Variants in ZDHHC15 observed in about 807,000 individuals in gnomAD.
ZDHHC15 encodes palmitoyltransferase ZDHHC15.
ZDHHC15 carries 19 observed loss-of-function variants against 31.7 expected under a neutral mutation model. The observed-to-expected ratio is 0.60, with a 90% CI of 0.42 to 0.88. The LOEUF (loss-of-function observed/expected upper bound fraction) is 0.88. Ranked by LOEUF, ZDHHC15 falls within the 40% of genes least tolerant of loss-of-function variation. The pLI is 0.00. For missense variants in ZDHHC15, 209 were observed against 251.2 expected (o/e 0.83, Z 1.14); for synonymous variants, 103 against 90.0 (o/e 1.14, Z -0.82).
chrX:75,404,362 C>A (rs760828676), intron 10 of ZDHHC15, among the ~76,000 whole-genome samples: 2 of 111,843 alleles, frequency 1.8e-5, no homozygotes, highest in Non-Finnish European at 3.8e-5. Flanking sequence ...ACAACAATAG[C>A]AAAAATTGAC....
intron 2 of ZDHHC15, among the ~76,000 whole-genome samples, chrX:75,487,211 A>G (rs984432788): frequency 1.8e-5 from 2 of 112,049 alleles, no homozygotes; most frequent in African/African-American, 3.2e-5. Flanking sequence ...CTGCTAGCAT[A>G]ACCAGTATTT....
chrX:75,446,189 TA>T (rs1381595580), intron 4 of ZDHHC15, among the ~76,000 whole-genome samples: 1 of 112,094 alleles, frequency 8.9e-6, no homozygotes, highest in African/African-American at 3.2e-5. Flanking sequence ...AATTTATTGA[TA>T]GGGGCCTACT....
intron 9 of ZDHHC15, among the ~76,000 whole-genome samples, chrX:75,419,797 T>C (rs1258258705): frequency 9.3e-6 from 1 of 108,072 alleles, no homozygotes; most frequent in African/African-American, 3.4e-5. Context: ...ATGTCCTTTG[T>C]AGGGACATGG....
intron 10 of ZDHHC15, among the ~76,000 whole-genome samples, chrX:75,415,381 C>A (rs760212733): frequency 1.0e-3 from 116 of 111,415 alleles, no homozygotes; most frequent in African/African-American, 3.4e-3. Flanking sequence ...TTAAAAAAAA[C>A]CCCTCAGCTA....
intron 2 of ZDHHC15, among the ~76,000 whole-genome samples, chrX:75,491,429 G>C (rs2148010954): frequency 1.0e-5 from 1 of 95,378 alleles, no homozygotes; most frequent in African/African-American, 3.9e-5. Context: ...TGAACAATGA[G>C]AACACATGGA....
chrX:75,440,006 C>T (rs1265368867), intron 4 of ZDHHC15, among the ~76,000 whole-genome samples: 1 of 111,639 alleles, frequency 9.0e-6, no homozygotes, highest in African/African-American at 3.3e-5. Flanking sequence ...TGCAAAGAGT[C>T]CTGTGATTTG....
At chrX:75,513,599 T>C (rs2085310627) in intron 1 of ZDHHC15, among the ~76,000 whole-genome samples, 1 of 111,526 alleles carries the variant, frequency 9.0e-6, no homozygotes, top group Non-Finnish European at 1.9e-5. Flanking sequence ...TAATAGAGCC[T>C]ACACTCTAAT....
chrX:75,450,769 G>A lies in ZDHHC15; in HGVS notation c.379+33C>T, dbSNP rs757887022. On this transcript the variant is annotated intron_variant, in intron 4 of 11. Coordinates refer to ENST00000373367, the MANE Select transcript of ZDHHC15 (RefSeq NM_144969.3). ...TTAGCCTTTCTGAGATACTTGCTGA[G>A]CTGCCTCTCTAGCTGCCTTTGGATG... 5.8e-6 allele frequency: 7 copies of A among 1,208,269 alleles called. No individual in the cohort carries two copies. In the Admixed American group the frequency reaches 1.3e-4, roughly 23 times the overall value.
At chrX:75,443,340 C>A (rs1267130959) in intron 4 of ZDHHC15, among the ~76,000 whole-genome samples, 1 of 111,082 alleles carries the variant, frequency 9.0e-6, no homozygotes, top group African/African-American at 3.3e-5. Flanking sequence ...TGATCTTTGA[C>A]AAACCTGAAA....
At chrX:75,499,868 A>G (rs1217612259) in intron 2 of ZDHHC15, among the ~76,000 whole-genome samples, 1 of 111,979 alleles carries the variant, frequency 8.9e-6, no homozygotes, top group East Asian at 2.8e-4. Context: ...TCACAATTGC[A>G]AAAATATGAA....
chrX:75,377,380 C>T (rs2083071145), intron 11 of ZDHHC15, among the ~76,000 whole-genome samples: 1 of 109,726 alleles, frequency 9.1e-6, no homozygotes, highest in South Asian at 4.0e-4. Context: ...ACCTGTAATC[C>T]CAGCTACTTG....
At chrX:75,514,346 A>G (rs1380881450) in intron 1 of ZDHHC15, among the ~76,000 whole-genome samples, 1 of 112,547 alleles carries the variant, frequency 8.9e-6, no homozygotes, top group Non-Finnish European at 1.9e-5. Flanking sequence ...TTGTGATAAT[A>G]GCATAAAGGG....
intron 2 of ZDHHC15, among the ~76,000 whole-genome samples, chrX:75,496,029 C>T (rs1349171450): frequency 9.1e-6 from 1 of 109,926 alleles, no homozygotes; most frequent in Non-Finnish European, 1.9e-5. Flanking sequence ...ATATAAATGG[C>T]CTAAATAATC....
At chrX:75,486,766 C>CG (rs1238428980) in intron 2 of ZDHHC15, among the ~76,000 whole-genome samples, 2 of 110,194 alleles carry the variant, frequency 1.8e-5, no homozygotes, top group East Asian at 5.8e-4. Flanking sequence ...AGCCATAATC[C>CG]CCTGGGAACA....
At chrX:75,450,608 G>A in intron 4 of ZDHHC15, 194 bp downstream of exon 4, 1 of 877,321 alleles carries the variant, frequency 1.1e-6, no homozygotes, top group Non-Finnish European at 1.5e-6. Flanking sequence ...GGGGTATACA[G>A]TTTGTTTACT....
intron 2 of ZDHHC15, 39 bp downstream of exon 2, chrX:75,505,782 A>G (rs763750441): frequency 3.3e-6 from 4 of 1,202,368 alleles, no homozygotes; most frequent in African/African-American, 1.8e-5. Context: ...GAAAAAAAGG[A>G]CACGGTCCTG....
chrX:75,451,946 A>G lies in ZDHHC15; in HGVS notation c.259-1024T>C, dbSNP rs753920369. On this transcript the variant is annotated intron_variant, in intron 3 of 11. Coordinates refer to ENST00000373367, the MANE Select transcript of ZDHHC15 (RefSeq NM_144969.3). Reference sequence around the variant, plus strand: ...AAAAACATGCCAAATTGTAAAGACCATCGATGCTAGGAAGAAACTGCATCA... The same window carrying G: ...AAAAACATGCCAAATTGTAAAGACCGTCGATGCTAGGAAGAAACTGCATCA... Among the ~76,000 whole-genome samples, 9 of 111,742 alleles carry G rather than the reference A, an allele frequency of 8.1e-5. No individual in the cohort carries two copies. In the East Asian group the frequency reaches 2.2e-3, roughly 28 times the overall value.
At chrX:75,431,579 T>TTGAG in intron 4 of ZDHHC15, 59 bp from the exon 5 acceptor site, 1 of 1,017,387 alleles carries the variant, frequency 9.8e-7, no homozygotes, top group Non-Finnish European at 1.3e-6. Context: ...AGACCTTATA[T>TTGAG]CTTACTAGCT....
chrX:75,403,167 T>A (rs2083375677), intron 10 of ZDHHC15, among the ~76,000 whole-genome samples: 1 of 112,063 alleles, frequency 8.9e-6, no homozygotes, highest in Non-Finnish European at 1.9e-5. Flanking sequence ...ATTCAAGAAA[T>A]GCTTTTAATA....
Sources: allele counts gnomAD v4.1 joint callset (sites outside exome capture counted in the v4.1 genomes callset), GRCh38; gene constraint gnomAD v4.1.1; transcripts MANE v1.5; gene names NCBI Gene and HGNC (gene_info 2026-07-23, HGNC 2026-07-21).